Variants in FMNL2 observed in about 807,000 individuals in gnomAD.
FMNL2 encodes formin-like protein 2.
Under a neutral mutation model 130.2 loss-of-function variants are expected in FMNL2, and 51 were observed. The ratio of observed to expected loss-of-function variants is 0.39; its 90% CI spans 0.31 to 0.49. The LOEUF (loss-of-function observed/expected upper bound fraction) is 0.49, where lower values mean the gene tolerates loss of function less well. Ranked by LOEUF, FMNL2 falls within the 20% of genes least tolerant of loss-of-function variation. The probability of loss-of-function intolerance (pLI) is 0.85; values close to 1 mark genes in which losing one functional copy is unlikely to be tolerated. For missense variants in FMNL2, 977 were observed against 1,316.2 expected (o/e 0.74, Z 3.99); for synonymous variants, 465 against 467.1 (o/e 1.00, Z 0.06).
intron 2 of FMNL2, among the ~76,000 whole-genome samples, chr2:152,529,006 A>C (rs576558968): frequency 1.3e-5 from 2 of 152,330 alleles, no homozygotes; most frequent in East Asian, 3.9e-4. Flanking sequence ...GACCTGCAAA[A>C]AAGGATGAGA....
chr2:152,342,112 G>A (rs930189165), intron 1 of FMNL2, among the ~76,000 whole-genome samples: 3 of 152,202 alleles, frequency 2.0e-5, no homozygotes, highest in Admixed American at 6.5e-5. Context: ...GTTTGTTCTG[G>A]AAATTCATTT....
At chr2:152,507,963 C>A (rs1445379486) in intron 1 of FMNL2, among the ~76,000 whole-genome samples, 1 of 152,010 alleles carries the variant, frequency 6.6e-6, no homozygotes, top group African/African-American at 2.4e-5. Flanking sequence ...ATTTCAGAGT[C>A]ATTAAAGAAA....
Position 152,467,605 on chromosome 2 carries a change from T to G in FMNL2, c.118-54338T>G, listed in dbSNP as rs141830695. Among the ~76,000 whole-genome samples the G allele has an allele frequency of 1.9e-3, 288 of 152,340 alleles. 1 individual carries two copies. The highest frequency in any genetic ancestry group is 6.7e-3 in the African/African-American group (280 of 41,574). On this transcript the variant is annotated intron_variant, in intron 1 of 25. Coordinates refer to ENST00000288670, the MANE Select transcript of FMNL2 (RefSeq NM_052905.4). Reference sequence around the variant, plus strand: ...ACTCGTTTGGATAGTATATGCTGTTTAAGGAACTGTCTGTGCTTGTATTAT... The same window carrying G: ...ACTCGTTTGGATAGTATATGCTGTTGAAGGAACTGTCTGTGCTTGTATTAT...
In FMNL2 at chr2:152,348,983, C is replaced by T. The variant is rs889199187; in HGVS notation, c.117+13263C>T. Among the ~76,000 whole-genome samples the T allele has an allele frequency of 3.9e-4, 56 of 145,128 alleles. 2 individuals carry two copies. The highest frequency in any genetic ancestry group is 5.6e-4 in the Non-Finnish European group (37 of 66,142). On this transcript the variant is annotated intron_variant, in intron 1 of 25. Transcript: ENST00000288670. ...CCCAGTAGCTGGGACTACAGGTGCC[C>T]GCCACCGCGCCCGGCTAATTTTTTG...
chr2:152,545,103 A>C (rs1381361337), intron 3 of FMNL2, among the ~76,000 whole-genome samples: 1 of 152,198 alleles, frequency 6.6e-6, no homozygotes, highest in Non-Finnish European at 1.5e-5. Flanking sequence ...ATGGTGGATT[A>C]ACCACCCCTG....
intron 1 of FMNL2, among the ~76,000 whole-genome samples, chr2:152,345,270 G>A (rs1169286491): frequency 3.3e-5 from 5 of 152,096 alleles, no homozygotes; most frequent in African/African-American, 4.8e-5. Flanking sequence ...GGTGGGGAAG[G>A]TAAAGAAGAT....
chr2:152,638,797 T>TA (rs1682839262), intron 23 of FMNL2, among the ~76,000 whole-genome samples: 2 of 152,214 alleles, frequency 1.3e-5, no homozygotes, highest in Non-Finnish European at 2.9e-5. Context: ...GCTGTAGAGA[T>TA]AGTCTGCGAT....
chr2:152,474,391 A>T (rs1329292870), intron 1 of FMNL2, among the ~76,000 whole-genome samples: 1 of 152,236 alleles, frequency 6.6e-6, no homozygotes, highest in African/African-American at 2.4e-5. Flanking sequence ...TATATAATTA[A>T]GATGCAGTCA....
chr2:152,427,555 T>C (rs1255243550), intron 1 of FMNL2, among the ~76,000 whole-genome samples: 1 of 152,074 alleles, frequency 6.6e-6, no homozygotes, highest in East Asian at 1.9e-4. Context: ...AAAAAATAAA[T>C]AAATAAAATG....
At chr2:152,471,538 TATAGTCC>T in intron 1 of FMNL2, among the ~76,000 whole-genome samples, 2 of 152,276 alleles carry the variant, frequency 1.3e-5, no homozygotes, top group South Asian at 4.1e-4. Flanking sequence ...GAGCTCTCAG[TATAGTCC>T]ACGTGGGGGT....
intron 1 of FMNL2, among the ~76,000 whole-genome samples, chr2:152,442,675 T>G (rs934686673): frequency 1.2e-4 from 18 of 152,230 alleles, no homozygotes; most frequent in African/African-American, 4.3e-4. Context: ...CATTTTAGGA[T>G]GGTTGTTTCT....
At chr2:152,512,063 C>T (rs968651842) in intron 1 of FMNL2, among the ~76,000 whole-genome samples, 21 of 152,230 alleles carry the variant, frequency 1.4e-4, no homozygotes, top group Non-Finnish European at 2.6e-4. Context: ...TATATTTGGC[C>T]TCATGTTGTC....
chr2:152,639,406 C>G (rs1481523961), intron 23 of FMNL2, among the ~76,000 whole-genome samples: 1 of 152,100 alleles, frequency 6.6e-6, no homozygotes. Flanking sequence ...AGAAAGAGTG[C>G]CCAAGAGGGC....
At chr2:152,412,448 A>T (rs13412574) in intron 1 of FMNL2, among the ~76,000 whole-genome samples, 750 of 4,596 alleles carry the variant, frequency 0.16, 11 homozygotes, top group Non-Finnish European at 0.26. Context: ...TGTATATTTT[A>T]TATATATATA....
intron 1 of FMNL2, among the ~76,000 whole-genome samples, chr2:152,491,978 A>T (rs1021709182): frequency 6.6e-6 from 1 of 152,206 alleles, no homozygotes; most frequent in Non-Finnish European, 1.5e-5. Context: ...CAAACTATAT[A>T]TTGTAAAATA....
chr2:152,507,060 CAG>C (rs1369700975), intron 1 of FMNL2, among the ~76,000 whole-genome samples: 2 of 152,190 alleles, frequency 1.3e-5, no homozygotes, highest in African/African-American at 4.8e-5. Context: ...TTGCGTGACT[CAG>C]GGTAGAAACT....
chr2:152,343,176 A>G (rs143565993), intron 1 of FMNL2, among the ~76,000 whole-genome samples: 333 of 152,326 alleles, frequency 2.2e-3, no homozygotes, highest in African/African-American at 7.7e-3. Context: ...TTGCCACAGA[A>G]GCTGAAAGCC....
Position 152,628,414 on chromosome 2 carries a change from A to G in FMNL2, c.2281A>G (p.Asn761Asp), listed in dbSNP as rs1230246465. ...LYERERKPLE[N>D]LSDEDRFMMQ... ...CGAGCGGGAAAGGAAGCCTCTGGAA[A>G]ACTTGTCAGATGAAGATCGGTTCAT... is the stretch of plus-strand genomic sequence containing the variant. Residue 761 changes from asparagine (N) to aspartate (D), a missense_variant, in exon 18 of 26, where the codon AAC (asparagine) becomes GAC (aspartate). Transcript: ENST00000288670. 1 of 1,614,046 alleles carries G rather than the reference A, an allele frequency of 6.2e-7. No homozygotes were observed. The highest frequency in any genetic ancestry group is 8.5e-7 in the Non-Finnish European group (1 of 1,179,902).
chr2:152,486,523 A>G (rs1453891189), intron 1 of FMNL2, among the ~76,000 whole-genome samples: 1 of 152,214 alleles, frequency 6.6e-6, no homozygotes. Context: ...TTTAAATGGA[A>G]GGTTAAACAC....
Sources: allele counts gnomAD v4.1 joint callset (sites outside exome capture counted in the v4.1 genomes callset), GRCh38; gene constraint gnomAD v4.1.1; transcripts MANE v1.5; gene names NCBI Gene and HGNC (gene_info 2026-07-23, HGNC 2026-07-21).